Variants in PGM5 observed in about 807,000 individuals in gnomAD.
The protein encoded by PGM5 is phosphoglucomutase 5, also known as phosphoglucomutase-like protein 5.
Under a neutral mutation model 59.2 loss-of-function variants are expected in PGM5, and 23 were observed. The ratio of observed to expected loss-of-function variants is 0.39; its 90% CI spans 0.28 to 0.55. PGM5 has a LOEUF of 0.55. Ranked by LOEUF, PGM5 falls within the 20% of genes least tolerant of loss-of-function variation. PGM5 has a pLI of 0.66. For synonymous variants in PGM5, 214 were observed against 286.0 expected (o/e 0.75, Z 2.54); for missense variants, 574 against 748.3 (o/e 0.77, Z 2.72).
At position 68,357,069 on chromosome 9, in the gene PGM5, G is replaced by A; in HGVS notation, c.-59G>A. On this transcript the variant is annotated 5_prime_UTR_variant, in exon 1 of 11. Transcript: ENST00000396396. ...CGCAGCCAGGCTGGTGGAGGCCCCC[G>A]GCAGGCTGCAGATTCCCTCCGGCTC... 1 of 1,407,834 alleles carries A rather than the reference G, an allele frequency of 7.1e-7. No homozygotes were observed. Among genetic ancestry groups the A allele is most frequent in the Admixed American group, 3.1e-5 (1 of 32,370 alleles). 87.2% of individuals were successfully genotyped at this position (1,407,834 alleles called of 1,614,324 possible).
intron 7 of PGM5, chr9:68,466,055 C>A: frequency 1.1e-6 from 1 of 901,692 alleles, no homozygotes. Context: ...GTCTCTTGTC[C>A]TTCTGAGGCT....
At chr9:68,472,700 C>A (rs576802980) in intron 7 of PGM5, among the ~76,000 whole-genome samples, 1 of 152,212 alleles carries the variant, frequency 6.6e-6, no homozygotes, top group Non-Finnish European at 1.5e-5. Context: ...TATGAGCCAG[C>A]CCAGGGTAGA....
intron 6 of PGM5, among the ~76,000 whole-genome samples, chr9:68,416,367 C>T (rs576665603): frequency 2.6e-5 from 4 of 152,230 alleles, no homozygotes; most frequent in African/African-American, 9.6e-5. Context: ...TTTTCATGGG[C>T]CCCTAGCGTG....
rs117794156 is a variant in PGM5, at chr9:68,421,043, C to T, written c.1043+28570C>T. Among the ~76,000 whole-genome samples, 36 of 152,260 alleles carry T rather than the reference C, an allele frequency of 2.4e-4. No homozygotes were observed. In the East Asian group the frequency reaches 3.3e-3, roughly 14 times the overall value. On this transcript the variant is annotated intron_variant, in intron 6 of 10. Coordinates refer to ENST00000396396, the MANE Select transcript of PGM5 (RefSeq NM_021965.4). ...GAAAAGCTGATGAAAGCTAGGTCGA[C>T]GAATAATGTGTGATGAGTATATGTG...
At chr9:68,524,396 A>G (rs1824942393) in intron 10 of PGM5, among the ~76,000 whole-genome samples, 2 of 152,174 alleles carry the variant, frequency 1.3e-5, no homozygotes, top group African/African-American at 4.8e-5. Flanking sequence ...GAAAGGATGC[A>G]AGGCCTGCTT....
intron 6 of PGM5, among the ~76,000 whole-genome samples, chr9:68,403,977 G>C (rs1425294126): frequency 1.1e-4 from 16 of 152,196 alleles, no homozygotes; most frequent in Admixed American, 1.0e-3. Context: ...TTCAAGGTAA[G>C]GTTGGAAATT....
chr9:68,408,352 G>A (rs1449201169), intron 6 of PGM5, among the ~76,000 whole-genome samples: 2 of 152,190 alleles, frequency 1.3e-5, no homozygotes, highest in Non-Finnish European at 1.5e-5. Flanking sequence ...AGATGCTTTA[G>A]AACAAAGCAT....
chr9:68,499,023 G>A (rs960351269), intron 9 of PGM5: 16 of 559,064 alleles, frequency 2.9e-5, no homozygotes, highest in Admixed American at 6.5e-5. Context: ...ACAAAGCAAC[G>A]GAAATAGAAT....
intron 4 of PGM5, among the ~76,000 whole-genome samples, chr9:68,388,488 A>T (rs1822284738): frequency 6.6e-6 from 1 of 151,344 alleles, no homozygotes; most frequent in Non-Finnish European, 1.5e-5. Flanking sequence ...CCATGGTAGT[A>T]ATTCTTTTTA....
chr9:68,401,989 G>T (rs1416449854), intron 6 of PGM5, among the ~76,000 whole-genome samples: 1 of 151,946 alleles, frequency 6.6e-6, no homozygotes, highest in Non-Finnish European at 1.5e-5. Flanking sequence ...TTGGCTGGGC[G>T]CGGTGGCTCA....
intron 3 of PGM5, among the ~76,000 whole-genome samples, chr9:68,385,024 G>A (rs1405055439): frequency 1.3e-5 from 2 of 151,896 alleles, no homozygotes; most frequent in African/African-American, 2.4e-5. Flanking sequence ...ACCAAGCACC[G>A]TGTTAGGAGA....
chr9:68,379,032 A>C (rs1821997998), intron 2 of PGM5, among the ~76,000 whole-genome samples: 2 of 152,164 alleles, frequency 1.3e-5, no homozygotes, highest in Non-Finnish European at 2.9e-5. Context: ...ATAGCACGAG[A>C]ACATTTCACA....
chr9:68,376,902 C>CTTTTTT (rs1821932500), intron 1 of PGM5, among the ~76,000 whole-genome samples: 5 of 114,264 alleles, frequency 4.4e-5, no homozygotes, highest in Non-Finnish European at 9.2e-5. Flanking sequence ...TTCTTTCTCT[C>CTTTTTT]TCTTTCTTTC....
intron 1 of PGM5, among the ~76,000 whole-genome samples, chr9:68,363,075 G>A (rs1302352460): frequency 6.6e-5 from 10 of 151,176 alleles, no homozygotes; most frequent in Non-Finnish European, 3.0e-5. Flanking sequence ...TCACCATGTC[G>A]GCCAGGCTGG....
chr9:68,461,962 T>C (rs1214594966), intron 6 of PGM5, among the ~76,000 whole-genome samples: 3 of 151,892 alleles, frequency 2.0e-5, no homozygotes, highest in African/African-American at 7.3e-5. Context: ...ATTTGGAAAA[T>C]AGGAAATCAT....
At chr9:68,359,894 A>G (rs1178790366) in intron 1 of PGM5, among the ~76,000 whole-genome samples, 3 of 152,174 alleles carry the variant, frequency 2.0e-5, no homozygotes, top group African/African-American at 4.8e-5. Flanking sequence ...CCCAGGCTGG[A>G]GTGCAATGGC....
intron 7 of PGM5, among the ~76,000 whole-genome samples, chr9:68,470,666 G>C (rs782694206): frequency 6.6e-6 from 1 of 152,228 alleles, no homozygotes; most frequent in Non-Finnish European, 1.5e-5. Flanking sequence ...GTCTCTAGGA[G>C]AGAGAAAGAG....
At chr9:68,407,099 A>G (rs1368218547) in intron 6 of PGM5, among the ~76,000 whole-genome samples, 1 of 152,116 alleles carries the variant, frequency 6.6e-6, no homozygotes, top group Non-Finnish European at 1.5e-5. Flanking sequence ...GTATTCATAT[A>G]TTGAGCCTTT....
chr9:68,483,782 A>G, intron 8 of PGM5, 83 bp from the exon 9 acceptor site: 1 of 1,273,558 alleles, frequency 7.9e-7, no homozygotes, highest in Non-Finnish European at 1.1e-6. Flanking sequence ...CTGGAAACAG[A>G]ACCAATGATT....
Sources: allele counts gnomAD v4.1 joint callset (sites outside exome capture counted in the v4.1 genomes callset), GRCh38; gene constraint gnomAD v4.1.1; transcripts MANE v1.5; gene names NCBI Gene and HGNC (gene_info 2026-07-23, HGNC 2026-07-21).